Variants in CYB5R4 observed in about 807,000 individuals in gnomAD.
CYB5R4 encodes N-terminal cytochrome b5 and cytochrome b5 oxidoreductase domain-containing protein.
A neutral mutation model predicts 70.2 loss-of-function variants in CYB5R4; 55 were observed. The ratio of observed to expected loss-of-function variants is 0.78; its 90% confidence interval spans 0.63 to 0.98. CYB5R4 has a LOEUF of 0.98. CYB5R4 is among the 50% of genes least tolerant of loss of function. The pLI is 0.00. For missense variants in CYB5R4, 562 were observed against 612.6 expected (o/e 0.92, Z 0.87); for synonymous variants, 197 against 199.5 (o/e 0.99, Z 0.11).
chr6:83,922,525 A>G (rs1218604086), intron 9 of CYB5R4, 55 bp downstream of exon 9: 10 of 1,219,034 alleles, frequency 8.2e-6, no homozygotes, highest in Non-Finnish European at 1.2e-5. Flanking sequence ...ACATACCTAC[A>G]GAGAGAGAGA....
At chr6:83,950,942 G>T (rs566431883) in intron 14 of CYB5R4, among the ~76,000 whole-genome samples, 5 of 152,162 alleles carry the variant, frequency 3.3e-5, no homozygotes, top group Non-Finnish European at 7.4e-5. Context: ...TCAACAGGTG[G>T]TTTTCAACCT....
At chr6:83,903,478 G>T (rs2099463312) in intron 3 of CYB5R4, among the ~76,000 whole-genome samples, 1 of 151,918 alleles carries the variant, frequency 6.6e-6, no homozygotes, top group African/African-American at 2.4e-5. Flanking sequence ...TAGTTTTGTG[G>T]GGTTTTTTTG....
intron 2 of CYB5R4, among the ~76,000 whole-genome samples, chr6:83,879,184 T>A (rs1205913835): frequency 6.6e-6 from 1 of 151,974 alleles, no homozygotes; most frequent in South Asian, 2.1e-4. Context: ...CAATGCAGCA[T>A]CTAGAATGCA....
At chr6:83,875,501 G>A (rs1002537062) in intron 2 of CYB5R4, among the ~76,000 whole-genome samples, 21 of 152,126 alleles carry the variant, frequency 1.4e-4, no homozygotes, top group Admixed American at 2.0e-4. Flanking sequence ...TGTGGTTACA[G>A]GAAAGTGTTC....
At chr6:83,893,146 C>A (rs1426516253) in intron 2 of CYB5R4, among the ~76,000 whole-genome samples, 1 of 152,182 alleles carries the variant, frequency 6.6e-6, no homozygotes, top group Non-Finnish European at 1.5e-5. Flanking sequence ...AGTTCCTCTT[C>A]TGTAATGCAG....
intron 8 of CYB5R4, among the ~76,000 whole-genome samples, chr6:83,921,819 A>C (rs2099466427): frequency 6.6e-6 from 1 of 152,226 alleles, no homozygotes; most frequent in Non-Finnish European, 1.5e-5. Flanking sequence ...AGATAACCAT[A>C]TGAACACAGT....
chr6:83,939,310 G>A (rs1353050303), intron 12 of CYB5R4, among the ~76,000 whole-genome samples: 2 of 152,026 alleles, frequency 1.3e-5, no homozygotes, highest in Admixed American at 6.6e-5. Flanking sequence ...TCTGAATCTA[G>A]TCCTAAAGGT....
chr6:83,890,822 A>C (rs766506567), intron 2 of CYB5R4, among the ~76,000 whole-genome samples: 2 of 152,214 alleles, frequency 1.3e-5, no homozygotes, highest in Non-Finnish European at 2.9e-5. Flanking sequence ...AAAACGTTTA[A>C]CTCAGTTAAG....
intron 3 of CYB5R4, among the ~76,000 whole-genome samples, chr6:83,905,187 T>C (rs1010174872): frequency 3.3e-5 from 5 of 152,176 alleles, no homozygotes; most frequent in African/African-American, 1.2e-4. Context: ...CCCAAGTAGC[T>C]GGGACTACAG....
chr6:83,944,455 A>G (rs1278747744), intron 14 of CYB5R4, among the ~76,000 whole-genome samples: 1 of 152,138 alleles, frequency 6.6e-6, no homozygotes, highest in Non-Finnish European at 1.5e-5. Flanking sequence ...TGAAAAAGAA[A>G]AACTGGTACC....
At chr6:83,905,832 T>C (rs1447370034) in intron 3 of CYB5R4, among the ~76,000 whole-genome samples, 3 of 152,004 alleles carry the variant, frequency 2.0e-5, no homozygotes, top group Non-Finnish European at 2.9e-5. Flanking sequence ...TACACGCTTA[T>C]GTTGGTGGAG....
In CYB5R4 at chr6:83,960,971, A is replaced by T. The variant is rs907208679; in HGVS notation, c.*1093A>T. 1.3e-5 allele frequency: 2 copies of T among 152,196 alleles called. No individual in the cohort carries two copies. Among genetic ancestry groups the T allele is most frequent in the African/African-American group, 2.4e-5 (1 of 41,468 alleles). 9.4% of individuals were successfully genotyped at this position (152,196 alleles called of 1,614,324 possible). On this transcript the variant is annotated 3_prime_UTR_variant, in exon 16 of 16. Coordinates refer to ENST00000369681, the MANE Select transcript of CYB5R4 (RefSeq NM_016230.4). The stretch of plus-strand genomic sequence containing the variant: ...GTAGCTACTGTATAAGCTAACTAGG[A>T]TTTTTCAGTCTTAGTACAGCTGCAA...
intron 5 of CYB5R4, among the ~76,000 whole-genome samples, chr6:83,915,513 A>G (rs1484873998): frequency 3.3e-5 from 5 of 152,172 alleles, no homozygotes; most frequent in Non-Finnish European, 7.4e-5. Flanking sequence ...TTGCTTAATG[A>G]TTGATTACCG....
At chr6:83,948,622 G>A (rs1364586496) in intron 14 of CYB5R4, among the ~76,000 whole-genome samples, 2 of 152,082 alleles carry the variant, frequency 1.3e-5, no homozygotes, top group East Asian at 3.8e-4. Flanking sequence ...CCTTATAAAA[G>A]CAATTTTGTA....
At chr6:83,958,553 C>T (rs900504510) in intron 15 of CYB5R4, among the ~76,000 whole-genome samples, 7 of 152,128 alleles carry the variant, frequency 4.6e-5, no homozygotes, top group African/African-American at 1.4e-4. Flanking sequence ...CAGATTTATA[C>T]AAAAGACTAG....
Position 83,908,107 on chromosome 6 carries a change from A to T in CYB5R4, c.331-902A>T, listed in dbSNP as rs2099464098. 3.3e-5 allele frequency among the ~76,000 whole-genome samples: 5 copies of T among 152,088 alleles called. No individual in the cohort carries two copies. The South Asian group carries it at 1.0e-3, about 32-fold the overall frequency. On this transcript the variant is annotated intron_variant, in intron 3 of 15. Transcript: ENST00000369681. ...TACAGTCTCACCAACAGTTGTATAA[A>T]CATCCTCTTTTCTCCGCAACCTCGC...
At chr6:83,901,668 C>T (rs1366140904) in intron 3 of CYB5R4, among the ~76,000 whole-genome samples, 1 of 150,954 alleles carries the variant, frequency 6.6e-6, no homozygotes, top group Non-Finnish European at 1.5e-5. Flanking sequence ...TCTGAGTTCC[C>T]TTTTCTTTAC....
At chr6:83,874,519 C>CTT (rs71549572) in intron 2 of CYB5R4, among the ~76,000 whole-genome samples, 7 of 145,194 alleles carry the variant, frequency 4.8e-5, no homozygotes, top group Admixed American at 2.1e-4. Context: ...TTTCTCAGAC[C>CTT]TTTTTTTTTT....
intron 2 of CYB5R4, among the ~76,000 whole-genome samples, chr6:83,876,857 CAG>C (rs1224520814): frequency 6.6e-6 from 1 of 151,536 alleles, no homozygotes; most frequent in Non-Finnish European, 1.5e-5. Context: ...TTTTTTCAGA[CAG>C]AGTCTTGCTC....
Sources: gnomAD v4.1 joint callset for allele counts (sites outside exome capture counted in the v4.1 genomes callset) on GRCh38, gnomAD v4.1.1 for gene constraint, MANE v1.5 for transcripts, NCBI Gene and HGNC (gene_info 2026-07-23, HGNC 2026-07-21) for gene names.